NPAS2: variants seen among roughly 807,000 people sequenced by gnomAD.
The protein encoded by NPAS2 is neuronal PAS domain protein 2.
Under a neutral mutation model 107.5 loss-of-function variants are expected in NPAS2, and 23 were observed. That is an observed-to-expected ratio of 0.21 (90% CI 0.15 to 0.30). NPAS2 has a LOEUF of 0.30. Ranked by LOEUF, NPAS2 falls within the 10% of genes least tolerant of loss-of-function variation. The pLI is 1.00. For synonymous variants in NPAS2, 403 were observed against 417.5 expected (o/e 0.97, Z 0.42); for missense variants, 756 against 1,043.3 (o/e 0.72, Z 3.79).
chr2:100,919,693 C>T (rs1453675222), intron 2 of NPAS2, among the ~76,000 whole-genome samples: 1 of 152,186 alleles, frequency 6.6e-6, no homozygotes, highest in Non-Finnish European at 1.5e-5. Flanking sequence ...CGCCGTCGGT[C>T]TCCCCGTGCC....
At chr2:100,871,594 G>A (rs1209792374) in intron 1 of NPAS2, among the ~76,000 whole-genome samples, 1 of 152,062 alleles carries the variant, frequency 6.6e-6, no homozygotes, top group Non-Finnish European at 1.5e-5. Context: ...TCCTCCCAAA[G>A]TGCTAGGATT....
intron 8 of NPAS2, 64 bp downstream of exon 8, chr2:100,964,240 G>A: frequency 9.6e-7 from 1 of 1,042,608 alleles, no homozygotes; most frequent in Non-Finnish European, 1.5e-6. Flanking sequence ...TTTGTTATAT[G>A]TAATTAATGG....
chr2:100,948,742 C>T (rs527963978), intron 6 of NPAS2, among the ~76,000 whole-genome samples: 16 of 152,196 alleles, frequency 1.1e-4, no homozygotes, highest in African/African-American at 2.9e-4. Context: ...CAACTGAAAA[C>T]GGAATAATTA....
intron 1 of NPAS2, among the ~76,000 whole-genome samples, chr2:100,877,292 G>A (rs1364667474): frequency 6.6e-6 from 1 of 151,922 alleles, no homozygotes; most frequent in African/African-American, 2.4e-5. Context: ...GTGAAACCCC[G>A]CCTCTACTAA....
chr2:100,925,094 A>G, intron 2 of NPAS2, 52 bp from the exon 3 acceptor site: 1 of 1,553,772 alleles, frequency 6.4e-7, no homozygotes, highest in South Asian at 1.2e-5. Flanking sequence ...TTTCATCACA[A>G]AGCCTTTGTG....
chr2:100,854,061 G>C (rs529602740), intron 1 of NPAS2, among the ~76,000 whole-genome samples: 1 of 146,784 alleles, frequency 6.8e-6, no homozygotes, highest in Non-Finnish European at 1.5e-5. Context: ...GAGGTTGGGA[G>C]ATCAGTTGAG....
chr2:100,885,332 GT>G (rs1680634629), intron 1 of NPAS2, among the ~76,000 whole-genome samples: 1 of 152,156 alleles, frequency 6.6e-6, no homozygotes, highest in Admixed American at 6.6e-5. Flanking sequence ...AATTTTTAAT[GT>G]TTTTATTTAA....
At chr2:100,993,984 GA>G (rs2105333324) in intron 20 of NPAS2, 1 of 154,618 alleles carries the variant, frequency 6.5e-6, no homozygotes, top group African/African-American at 2.4e-5. Flanking sequence ...GGCTTGCCAG[GA>G]AAATTTGGAG....
At chr2:100,861,035 AT>A (rs3042733) in intron 1 of NPAS2, among the ~76,000 whole-genome samples, 236 of 143,566 alleles carry the variant, frequency 1.6e-3, no homozygotes, top group Middle Eastern at 7.4e-3. Context: ...CCCCCAGCTA[AT>A]TTTTTTTTTT....
At chr2:100,870,068 C>T (rs987705141) in intron 1 of NPAS2, among the ~76,000 whole-genome samples, 2 of 151,986 alleles carry the variant, frequency 1.3e-5, no homozygotes, top group African/African-American at 4.8e-5. Flanking sequence ...CCACGCCAGG[C>T]TAATTTTTTG....
At chr2:100,909,878 ACTTG>A (rs1031854118) in intron 2 of NPAS2, among the ~76,000 whole-genome samples, 6 of 152,200 alleles carry the variant, frequency 3.9e-5, no homozygotes, top group Non-Finnish European at 5.9e-5. Context: ...GTAGAACTGT[ACTTG>A]CAGGCAGAAT....
At chr2:100,918,997 T>C (rs184127122) in intron 2 of NPAS2, among the ~76,000 whole-genome samples, 1 of 152,302 alleles carries the variant, frequency 6.6e-6, no homozygotes, top group Non-Finnish European at 1.5e-5. Flanking sequence ...CCACATTTCC[T>C]CAATGGGTGA....
At position 100,820,296 on chromosome 2, in the gene NPAS2, C is replaced by A. The variant is rs903235872; in HGVS notation, c.-141C>A. ...GCAGCTAGAGCAGCGCCTCCCGCCG[C>A]CGCCCGGGAGGAGCTCGCCGCGCCC... On this transcript the variant is annotated 5_prime_UTR_variant, in exon 1 of 21. Coordinates refer to ENST00000335681, the MANE Select transcript of NPAS2 (RefSeq NM_002518.4). This position sits in a 1 kb window ranked among gnomAD's most constrained non-coding sequence, Gnocchi z 5.6. The A allele has an allele frequency of 1.4e-5, 2 of 145,762 alleles. No individual in the cohort carries two copies. The highest frequency in any genetic ancestry group is 3.1e-5 in the Non-Finnish European group (2 of 65,190). 9.0% of individuals were successfully genotyped at this position (145,762 alleles called of 1,614,324 possible). A position where few individuals can be genotyped will look rare whatever the true frequency, so the allele number is the denominator to read the frequency against.
At chr2:100,822,391 T>A (rs944560972) in intron 1 of NPAS2, among the ~76,000 whole-genome samples, 7 of 152,218 alleles carry the variant, frequency 4.6e-5, no homozygotes, top group African/African-American at 1.7e-4. Context: ...TAAAAAAATT[T>A]CTGGCTGTTT....
intron 1 of NPAS2, among the ~76,000 whole-genome samples, chr2:100,854,636 AATTATG>A (rs991689534): frequency 6.6e-6 from 1 of 152,210 alleles, no homozygotes; most frequent in Non-Finnish European, 1.5e-5. Flanking sequence ...CATTAGCCTG[AATTATG>A]ATTAGGAGGC....
intron 1 of NPAS2, among the ~76,000 whole-genome samples, chr2:100,857,369 T>G (rs1392389972): frequency 3.3e-5 from 5 of 151,750 alleles, no homozygotes; most frequent in Admixed American, 2.6e-4. Flanking sequence ...TTGAAAACAT[T>G]TGCTGAGCCC....
intron 1 of NPAS2, among the ~76,000 whole-genome samples, chr2:100,830,379 T>C (rs1163286934): frequency 6.6e-6 from 1 of 152,200 alleles, no homozygotes; most frequent in Non-Finnish European, 1.5e-5. Context: ...ATGCGCAGGT[T>C]AGTTACATAT....
chr2:100,841,672 C>T (rs1215655686), intron 1 of NPAS2, among the ~76,000 whole-genome samples: 1 of 152,130 alleles, frequency 6.6e-6, no homozygotes, highest in Non-Finnish European at 1.5e-5. Context: ...CATCTACACA[C>T]ACATACATAC....
At chr2:100,950,080 C>T (rs571291196) in intron 7 of NPAS2, among the ~76,000 whole-genome samples, 7 of 152,304 alleles carry the variant, frequency 4.6e-5, no homozygotes, top group South Asian at 2.1e-4. Context: ...CAACTCTGAA[C>T]GAGACTAAAA....
Sources: allele counts gnomAD v4.1 joint callset (sites outside exome capture counted in the v4.1 genomes callset), GRCh38; gene constraint gnomAD v4.1.1; non-coding constraint Gnocchi (gnomAD v3.1); transcripts MANE v1.5; gene names NCBI Gene and HGNC (gene_info 2026-07-23, HGNC 2026-07-21).